The following PDE7B variants were observed in gnomAD, a reference collection of about 807,000 sequenced individuals.
PDE7B encodes the protein phosphodiesterase 7B.
PDE7B carries 29 observed loss-of-function variants against 56.2 expected under a neutral mutation model. That is an observed-to-expected ratio of 0.52 (90% CI 0.38 to 0.70). The LOEUF is 0.70. Among genes scored for constraint, PDE7B ranks in the 30% least tolerant of loss-of-function variants. The pLI, the probability that PDE7B is intolerant of heterozygous loss-of-function variation, is 0.00. For missense variants in PDE7B, 490 were observed against 565.0 expected (o/e 0.87, Z 1.35); for synonymous variants, 197 against 196.9 (o/e 1.00, Z 0.00).
chr6:136,094,864 G>A (rs1777447783), intron 2 of PDE7B: 1 of 152,178 alleles, frequency 6.6e-6, no homozygotes, highest in South Asian at 2.1e-4. Context: ...AAAGAAATTA[G>A]AACCACAGGT....
chr6:135,925,858 T>A lies in PDE7B; in HGVS notation c.22-21606T>A, dbSNP rs116610141. On this transcript the variant is annotated intron_variant, in intron 1 of 12. Transcript: ENST00000308191. ...TTTACACAAACTACATAATTTTTTT[T>A]AAAAAATGTTTTGCCCTTTTGTTCG... Among the ~76,000 whole-genome samples the A allele has an allele frequency of 1.0e-2, 1,517 of 152,266 alleles. 14 individuals carry two copies. The highest frequency in any genetic ancestry group is 0.015 in the African/African-American group (610 of 41,550).
intron 2 of PDE7B, among the ~76,000 whole-genome samples, chr6:136,078,932 C>G (rs1777163399): frequency 6.6e-6 from 1 of 152,110 alleles, no homozygotes; most frequent in Non-Finnish European, 1.5e-5. Flanking sequence ...TTATTAATAT[C>G]TTTCCAGACA....
chr6:135,913,033 G>A (rs544806921), intron 1 of PDE7B, among the ~76,000 whole-genome samples: 2 of 152,134 alleles, frequency 1.3e-5, no homozygotes, highest in Non-Finnish European at 2.9e-5. Context: ...CATGTCTTCT[G>A]ACTCTAAATC....
At chr6:136,171,784 C>T (rs1778887724) in intron 8 of PDE7B, among the ~76,000 whole-genome samples, 1 of 115,956 alleles carries the variant, frequency 8.6e-6, no homozygotes, top group Non-Finnish European at 1.7e-5. Context: ...CTATCCCTCC[C>T]CCCTCCCCCG....
At chr6:136,115,801 A>T (rs571771047) in intron 3 of PDE7B, among the ~76,000 whole-genome samples, 2 of 152,354 alleles carry the variant, frequency 1.3e-5, no homozygotes, top group African/African-American at 4.8e-5. Flanking sequence ...CACAGGACTG[A>T]GATAGCCTTT....
At chr6:135,997,400 T>C (rs1775584199) in intron 2 of PDE7B, among the ~76,000 whole-genome samples, 2 of 72,896 alleles carry the variant, frequency 2.7e-5, no homozygotes, top group South Asian at 9.6e-4. Flanking sequence ...GCTGACAGAA[T>C]GAGACCCTGT....
At chr6:136,153,101 C>T (rs1350440745) in intron 6 of PDE7B, among the ~76,000 whole-genome samples, 1 of 152,118 alleles carries the variant, frequency 6.6e-6, no homozygotes, top group Non-Finnish European at 1.5e-5. Flanking sequence ...TCCAGAAATC[C>T]AAATAACCTC....
intron 2 of PDE7B, among the ~76,000 whole-genome samples, chr6:135,989,258 T>A (rs1775432311): frequency 6.6e-6 from 1 of 152,200 alleles, no homozygotes; most frequent in Non-Finnish European, 1.5e-5. Flanking sequence ...GTATCTATTT[T>A]ATCCGTCACT....
chr6:136,174,252 A>C (rs1778942223), intron 9 of PDE7B, among the ~76,000 whole-genome samples: 1 of 152,198 alleles, frequency 6.6e-6, no homozygotes, highest in Non-Finnish European at 1.5e-5. Flanking sequence ...TTTATCAAGA[A>C]GGAACCCAGG....
At chr6:135,924,669 G>GT (rs1774152413) in intron 1 of PDE7B, among the ~76,000 whole-genome samples, 2 of 15,238 alleles carry the variant, frequency 1.3e-4, no homozygotes, top group African/African-American at 4.4e-4. Flanking sequence ...AAGTATTTTT[G>GT]TTTTTCTTTT....
At position 135,989,415 on chromosome 6, in the gene PDE7B, A is replaced by T. The variant is rs533327507; in HGVS notation, c.82+41891A>T. ...GATCACCTGAGGTCGGTAGTTCGAG[A>T]CCAGCCAGACCAACATGGAGAAACC... On this transcript the variant is annotated intron_variant, in intron 2 of 12. Transcript: ENST00000308191. Among the ~76,000 whole-genome samples the T allele has an allele frequency of 6.3e-4, 96 of 152,286 alleles. 1 individual carries two copies. Among genetic ancestry groups the T allele is most frequent in the African/African-American group, 2.1e-3 (86 of 41,558 alleles).
chr6:135,939,496 A>C (rs908451645), intron 1 of PDE7B, among the ~76,000 whole-genome samples: 12 of 152,142 alleles, frequency 7.9e-5, no homozygotes, highest in African/African-American at 2.9e-4. Flanking sequence ...AAAAAGGAAA[A>C]CATGAGCTCG....
chr6:135,973,188 T>C (rs753571732), intron 2 of PDE7B, among the ~76,000 whole-genome samples: 3 of 152,104 alleles, frequency 2.0e-5, no homozygotes, highest in Non-Finnish European at 2.9e-5. Context: ...ATTCTATGAA[T>C]TTGACTAGTT....
At chr6:136,023,710 A>G (rs888452776) in intron 2 of PDE7B, among the ~76,000 whole-genome samples, 1 of 152,368 alleles carries the variant, frequency 6.6e-6, no homozygotes, top group East Asian at 1.9e-4. Context: ...AAACTTCATT[A>G]TAGGAGCCTC....
Position 136,192,195 on chromosome 6 carries a change from G to GGAGCGTTT in PDE7B, c.*365_*372dup, listed in dbSNP as rs1779241976. On this transcript the variant is annotated 3_prime_UTR_variant, in exon 13 of 13. Coordinates refer to ENST00000308191, the MANE Select transcript of PDE7B (RefSeq NM_018945.4). ...GGAACAGGCAGCAATTCCTAAGTCC[G>GGAGCGTTT]GAGCGTTTGAGCGTTTGCTATCTGA... The GGAGCGTTT allele has an allele frequency of 3.4e-6, 1 of 294,640 alleles. No individual in the cohort carries two copies. Among genetic ancestry groups the GGAGCGTTT allele is most frequent in the Non-Finnish European group, 6.5e-6 (1 of 153,342 alleles). 18.3% of individuals were successfully genotyped at this position (294,640 alleles called of 1,614,324 possible). A position where few individuals can be genotyped will look rare whatever the true frequency, so the allele number is the denominator to read the frequency against.
chr6:136,021,993 C>T (rs766696382), intron 2 of PDE7B, among the ~76,000 whole-genome samples: 3 of 152,128 alleles, frequency 2.0e-5, no homozygotes, highest in Non-Finnish European at 4.4e-5. Context: ...TCTGTCACTG[C>T]CTTCCTTTGT....
intron 1 of PDE7B, among the ~76,000 whole-genome samples, chr6:135,920,148 A>T (rs567087877): frequency 6.6e-6 from 1 of 152,320 alleles, no homozygotes; most frequent in South Asian, 2.1e-4. Context: ...TAATAATTTT[A>T]TAAGAATATT....
rs111828958 is a variant in PDE7B, at chr6:136,064,997, C to T, written c.83-43734C>T. Reference sequence around the variant, plus strand: ...CAGAGTCCAACAATTTGTAGGTTTACGAGGGTGGCATTTGTCTATGTGTGC... The same window carrying T: ...CAGAGTCCAACAATTTGTAGGTTTATGAGGGTGGCATTTGTCTATGTGTGC... On this transcript the variant is annotated intron_variant, in intron 2 of 12. Transcript: ENST00000308191. Among the ~76,000 whole-genome samples the T allele has an allele frequency of 1.2e-4, 19 of 152,234 alleles. No individual in the cohort carries two copies. In the South Asian group the frequency reaches 1.9e-3, roughly 15 times the overall value.
chr6:136,168,799 A>G (rs1778837053), intron 8 of PDE7B, among the ~76,000 whole-genome samples: 1 of 152,188 alleles, frequency 6.6e-6, no homozygotes, highest in Non-Finnish European at 1.5e-5. Flanking sequence ...ATTTTTAGCA[A>G]TAGAACCAGA....
Sources: gnomAD v4.1 joint callset for allele counts (sites outside exome capture counted in the v4.1 genomes callset) on GRCh38, gnomAD v4.1.1 for gene constraint, MANE v1.5 for transcripts, NCBI Gene and HGNC (gene_info 2026-07-23, HGNC 2026-07-21) for gene names.